The following DMD variants were observed in gnomAD, a reference collection of about 807,000 sequenced individuals.
The protein encoded by DMD is mutant dystrophin.
In DMD, 63 loss-of-function variants were observed where a neutral mutation model predicts 330.1. That is an observed-to-expected ratio of 0.19 (90% CI 0.16 to 0.24). The LOEUF (loss-of-function observed/expected upper bound fraction) is 0.24. Among genes scored for constraint, DMD ranks in the 10% least tolerant of loss-of-function variants. The pLI, the probability that DMD is intolerant of heterozygous loss-of-function variation, is 1.00. For missense variants in DMD, 3,344 were observed against 2,684.1 expected (o/e 1.25, Z -5.43); for synonymous variants, 1,223 against 959.8 (o/e 1.27, Z -5.07).
Position 32,253,854 on chromosome X carries a change from C to T in DMD, c.6290+33675G>A, listed in dbSNP as rs969368521. On this transcript the variant is annotated intron_variant, in intron 43 of 78. Transcript: ENST00000357033. ...GGCTAGGCTGTTTTCGAACTCCTGA[C>T]CTCATAATCTGCCCGTCTCAGCCTC... Among the ~76,000 whole-genome samples the T allele has an allele frequency of 2.8e-4, 31 of 110,222 alleles. 1 individual carries two copies. The highest frequency in any genetic ancestry group is 9.9e-4 in the African/African-American group (30 of 30,219).
At chrX:31,597,510 G>A (rs375581895) in intron 55 of DMD, among the ~76,000 whole-genome samples, 10 of 111,454 alleles carry the variant, frequency 9.0e-5, no homozygotes, top group African/African-American at 2.9e-4. Context: ...TATGGTGTCC[G>A]CAGTAGACCA....
chrX:33,105,553 C>A (rs929079316), intron 1 of DMD, among the ~76,000 whole-genome samples: 21 of 111,882 alleles, frequency 1.9e-4, no homozygotes, highest in African/African-American at 5.5e-4. Context: ...TATCTACAAC[C>A]TACAAAGAAC....
chrX:32,364,862 A>G, intron 35 of DMD, 152 bp from the exon 36 acceptor site: 1 of 740,170 alleles, frequency 1.4e-6, no homozygotes, highest in Non-Finnish European at 1.9e-6. Flanking sequence ...GCGTAAATAT[A>G]AAGAAAAATA....
At chrX:32,148,454 T>A (rs756837157) in intron 44 of DMD, among the ~76,000 whole-genome samples, 14 of 111,482 alleles carry the variant, frequency 1.3e-4, no homozygotes, top group Non-Finnish European at 1.1e-4. Flanking sequence ...ATCCTTCATA[T>A]CACCTCCAAT....
intron 1 of DMD, among the ~76,000 whole-genome samples, chrX:33,148,551 G>C (rs1274651906): frequency 8.9e-6 from 1 of 111,898 alleles, no homozygotes; most frequent in Non-Finnish European, 1.9e-5. Context: ...ATGTTTTCTA[G>C]ATATTAAAGT....
chrX:32,181,289 C>A (rs920109866), intron 44 of DMD, among the ~76,000 whole-genome samples: 1 of 111,708 alleles, frequency 9.0e-6, no homozygotes, highest in African/African-American at 3.3e-5. Flanking sequence ...GACGAGGAAG[C>A]TGTTGTTCTT....
intron 55 of DMD, among the ~76,000 whole-genome samples, chrX:31,567,658 C>T (rs1165540908): frequency 1.8e-5 from 2 of 111,066 alleles, no homozygotes; most frequent in Admixed American, 1.9e-4. Context: ...TTATTTTAGA[C>T]CTTTCCTGTC....
At chrX:32,380,775 A>C in intron 33 of DMD, 95 bp from the exon 34 acceptor site, 1 of 677,462 alleles carries the variant, frequency 1.5e-6, no homozygotes, top group Non-Finnish European at 2.2e-6. Flanking sequence ...TCTGTTATTT[A>C]AAATAACTAT....
intron 16 of DMD, among the ~76,000 whole-genome samples, chrX:32,547,799 CT>C (rs1439119321): frequency 2.7e-5 from 3 of 111,250 alleles, no homozygotes; most frequent in African/African-American, 9.8e-5. Flanking sequence ...CAGAAAGCTC[CT>C]TTCTTAGCAT....
chrX:31,820,145 A>G (rs1235410016), intron 49 of DMD, 62 bp from the exon 50 acceptor site: 27 of 918,255 alleles, frequency 2.9e-5, no homozygotes, highest in Non-Finnish European at 4.1e-5. Context: ...ATTCATGAAC[A>G]TCTTAATCCA....
At position 32,446,157 on chromosome X, in the gene DMD, C is replaced by A. The variant is rs754733174; in HGVS notation, c.3786+2299G>T. Among the ~76,000 whole-genome samples the A allele has an allele frequency of 6.3e-5, 7 of 110,773 alleles. No individual in the cohort carries two copies. In the East Asian group the frequency reaches 2.0e-3, roughly 32 times the overall value. On this transcript the variant is annotated intron_variant, in intron 27 of 78. Coordinates refer to ENST00000357033, the MANE Select transcript of DMD (RefSeq NM_004006.3). ...AAAGAAAATCTTCACAAAGACAATG[C>A]AGAACCACTAAAGAAATAACGTATC...
At chrX:32,508,309 T>C (rs1415709696) in intron 18 of DMD, among the ~76,000 whole-genome samples, 1 of 111,820 alleles carries the variant, frequency 8.9e-6, no homozygotes, top group Non-Finnish European at 1.9e-5. Flanking sequence ...AGAGGAACAT[T>C]GCAAAATGAA....
At chrX:32,002,679 T>C (rs1235280876) in intron 44 of DMD, among the ~76,000 whole-genome samples, 1 of 110,897 alleles carries the variant, frequency 9.0e-6, no homozygotes, top group African/African-American at 3.3e-5. Flanking sequence ...GGCCTCTGGA[T>C]AGAAACAGAA....
rs1278647388 is a variant in DMD at position 32,217,711 on chromosome X, T to C, written c.6291-648A>G. On this transcript the variant is annotated intron_variant, in intron 43 of 78. Transcript: ENST00000357033. The stretch of plus-strand genomic sequence containing the variant: ...TCTGCCAAGAAACCTGATTTGATCA[T>C]TACACAATGAAACATTACACTGAAA... 3.6e-5 allele frequency among the ~76,000 whole-genome samples: 4 copies of C among 110,287 alleles called. No individual in the cohort carries two copies. The East Asian group carries it at 1.1e-3, about 31-fold the overall frequency.
intron 9 of DMD, among the ~76,000 whole-genome samples, chrX:32,687,031 T>A (rs1357586283): frequency 8.9e-6 from 1 of 112,233 alleles, no homozygotes; most frequent in Non-Finnish European, 1.9e-5. Context: ...TTAATATTCT[T>A]GGTATTAAAT....
intron 29 of DMD, among the ~76,000 whole-genome samples, chrX:32,426,425 T>A (rs139605293): frequency 0.017 from 1,895 of 111,278 alleles, 16 homozygotes; most frequent in South Asian, 0.068. Flanking sequence ...AAAACCACGA[T>A]AAGATGCCAT....
chrX:33,011,897 A>T (rs1357065580), intron 2 of DMD, among the ~76,000 whole-genome samples: 2 of 111,752 alleles, frequency 1.8e-5, no homozygotes, highest in Non-Finnish European at 3.8e-5. Context: ...TATCATGCTA[A>T]TTGGTAAATA....
intron 50 of DMD, among the ~76,000 whole-genome samples, chrX:31,782,129 ACTGT>A (rs1448481148): frequency 9.0e-6 from 1 of 111,608 alleles, no homozygotes; most frequent in African/African-American, 3.3e-5. Context: ...TTACACAGGA[ACTGT>A]CTTAGTGACA....
At chrX:32,186,104 G>T (rs944166545) in intron 44 of DMD, among the ~76,000 whole-genome samples, 2 of 110,787 alleles carry the variant, frequency 1.8e-5, no homozygotes, top group African/African-American at 6.5e-5. Context: ...ACCCAAGAAA[G>T]AAAATTCCCC....
Sources: gnomAD v4.1 joint callset for allele counts (sites outside exome capture counted in the v4.1 genomes callset) on GRCh38, gnomAD v4.1.1 for gene constraint, MANE v1.5 for transcripts, NCBI Gene and HGNC (gene_info 2026-07-23, HGNC 2026-07-21) for gene names.